Variants in EDEM3 observed in about 807,000 individuals in gnomAD.
The protein encoded by EDEM3 is ER degradation-enhancing alpha-mannosidase-like protein 3.
In EDEM3, 60 loss-of-function variants were observed where a neutral mutation model predicts 110.2. That is an observed-to-expected ratio of 0.54 (90% CI 0.44 to 0.67). EDEM3 has a LOEUF of 0.67. Among genes scored for constraint, EDEM3 ranks in the 30% least tolerant of loss-of-function variants. The pLI, the probability that EDEM3 is intolerant of heterozygous loss-of-function variation, is 0.00. For synonymous variants in EDEM3, 352 were observed against 382.9 expected, an observed-to-expected ratio of 0.92 and a Z score of 0.94; for missense variants, 996 against 1,121.0, an observed-to-expected ratio of 0.89 and a Z score of 1.59.
chr1:184,716,709 C>A (rs1272584899), intron 13 of EDEM3, among the ~76,000 whole-genome samples, 179 bp downstream of exon 13: 2 of 152,044 alleles, frequency 1.3e-5, no homozygotes, highest in Non-Finnish European at 2.9e-5. Context: ...GATAAAAATA[C>A]AAACTTTTCA....
intron 19 of EDEM3, among the ~76,000 whole-genome samples, chr1:184,702,039 T>G (rs1649656600): frequency 6.6e-6 from 1 of 152,044 alleles, no homozygotes; most frequent in Non-Finnish European, 1.5e-5. Flanking sequence ...GAACTTTAGC[T>G]CTCTCTTCAG....
intron 8 of EDEM3, among the ~76,000 whole-genome samples, chr1:184,722,245 T>C (rs938680200): frequency 3.3e-5 from 5 of 152,022 alleles, no homozygotes; most frequent in Admixed American, 2.0e-4. Flanking sequence ...ATTTTTCTAG[T>C]GGTACATTTA....
At chr1:184,710,329 T>C in intron 16 of EDEM3, 65 bp downstream of exon 16, 2 of 1,531,968 alleles carry the variant, frequency 1.3e-6, no homozygotes. Flanking sequence ...ATTATCTTAT[T>C]AAAGCTAATG....
intron 10 of EDEM3, 87 bp downstream of exon 10, chr1:184,719,356 T>C (rs1650744928): frequency 6.5e-7 from 1 of 1,538,906 alleles, no homozygotes; most frequent in Non-Finnish European, 8.8e-7. Context: ...TGCAACTATG[T>C]TTTGTAGTTC....
In EDEM3 at chr1:184,711,737, T is replaced by A; in HGVS notation, c.1677A>T (p.Arg559Ser). The part of the protein sequence containing the change: ...LKNVVDKSCP[R>S]GIIRVEESFR... Reference sequence around the variant, plus strand: ...ATACATCTTACACTCTGATGATGCCTCTAGGACAGCTCTTATCCACCACAT... The same window carrying A: ...ATACATCTTACACTCTGATGATGCCACTAGGACAGCTCTTATCCACCACAT... The change falls in exon 15 of 20, where the codon AGA (arginine) becomes AGT (serine). Residue 559 changes from arginine (R) to serine (S), a missense_variant. Physicochemically the swap from Arg to Ser is moderately radical, Grantham distance 110. Coordinates refer to ENST00000318130, the MANE Select transcript of EDEM3 (RefSeq NM_025191.4). The A allele has an allele frequency of 2.5e-6, 4 of 1,611,326 alleles. No individual in the cohort carries two copies. Among genetic ancestry groups the A allele is most frequent in the Non-Finnish European group, 2.5e-6 (3 of 1,178,844 alleles).
At chr1:184,712,712 A>C (rs1417237472) in intron 13 of EDEM3, 114 bp from the exon 14 acceptor site, 1 of 665,898 alleles carries the variant, frequency 1.5e-6, no homozygotes, top group East Asian at 3.0e-5. Flanking sequence ...TTAGATGTTC[A>C]AAGAACTATA....
At chr1:184,710,247 AC>A (rs1650152333) in intron 16 of EDEM3, 146 bp downstream of exon 16, 1 of 911,244 alleles carries the variant, frequency 1.1e-6, no homozygotes, top group Admixed American at 3.3e-5. Flanking sequence ...TTTCCAAGAT[AC>A]TTCCAAGTCC....
At chr1:184,736,619 A>T (rs1188209842) in intron 4 of EDEM3, among the ~76,000 whole-genome samples, 1 of 152,268 alleles carries the variant, frequency 6.6e-6, no homozygotes, top group Admixed American at 6.5e-5. Flanking sequence ...CTGCTGGGAA[A>T]AATTAATTTT....
chr1:184,719,411 C>T (rs1206554753), intron 10 of EDEM3, 32 bp downstream of exon 10: 12 of 1,599,836 alleles, frequency 7.5e-6, no homozygotes, highest in Admixed American at 1.8e-5. Flanking sequence ...CATCATCTTA[C>T]ATTCATATTA....
rs1413830674 is a variant in EDEM3, at chr1:184,717,546, TAAG to T, written c.1236_1238del (p.Phe412del). 2 of 1,605,686 alleles carry T rather than the reference TAAG, an allele frequency of 1.2e-6. No homozygotes were observed. The highest frequency in any genetic ancestry group is 2.3e-5 in the East Asian group (1 of 44,284). On this transcript the variant is annotated inframe_deletion, in exon 12 of 20. Coordinates refer to ENST00000318130, the MANE Select transcript of EDEM3 (RefSeq NM_025191.4). ...ATGGGGTATATTTTCTTACTTTATATAAGAAGTAGGTACTTTCTGCAAATTCTG... is the reference window on the plus strand; with the variant it reads ...ATGGGGTATATTTTCTTACTTTATATAAGTAGGTACTTTCTGCAAATTCTG...
chr1:184,702,769 A>G (rs768552009), intron 19 of EDEM3, 42 bp downstream of exon 19: 1 of 1,412,346 alleles, frequency 7.1e-7, no homozygotes, highest in Admixed American at 2.5e-5. Flanking sequence ...AGCAAAATTA[A>G]TATTACGCTG....
chr1:184,753,574 C>T (rs942759796), intron 1 of EDEM3, among the ~76,000 whole-genome samples: 4 of 152,102 alleles, frequency 2.6e-5, no homozygotes, highest in Non-Finnish European at 5.9e-5. Context: ...TAAGTTACAG[C>T]AATTTACACT....
chr1:184,697,160 G>T (rs927425762), intron 19 of EDEM3, among the ~76,000 whole-genome samples: 1 of 151,368 alleles, frequency 6.6e-6, no homozygotes, highest in African/African-American at 2.4e-5. Flanking sequence ...ACAAAACATA[G>T]AATTAAATTT....
At position 184,754,744 on chromosome 1, in the gene EDEM3, G is replaced by C; in HGVS notation, c.-98C>G. The C allele has an allele frequency of 5.6e-6, 8 of 1,416,908 alleles. No homozygotes were observed. The highest frequency in any genetic ancestry group is 7.3e-6 in the Non-Finnish European group (8 of 1,092,162). The allele number at this position is 1,416,908 out of a possible 1,614,324, so 87.8% of individuals were successfully genotyped here. A position where few individuals can be genotyped will look rare whatever the true frequency, so the allele number is the denominator to read the frequency against. On this transcript the variant is annotated 5_prime_UTR_variant, in exon 1 of 20. Coordinates refer to ENST00000318130, the MANE Select transcript of EDEM3 (RefSeq NM_025191.4). ...GGGGGCTGCTAGCCGTGCCGAGACGGGGCGGGATGCGGAGTAACACGGACG... is the reference window on the plus strand; with the variant it reads ...GGGGGCTGCTAGCCGTGCCGAGACGCGGCGGGATGCGGAGTAACACGGACG...
chr1:184,748,407 G>A (rs1301212182), intron 2 of EDEM3, among the ~76,000 whole-genome samples: 1 of 150,478 alleles, frequency 6.6e-6, no homozygotes, highest in Non-Finnish European at 1.5e-5. Flanking sequence ...AGATAGTGCC[G>A]CTATACTCCA....
intron 7 of EDEM3, 141 bp downstream of exon 7, chr1:184,726,114 A>C (rs117877339): frequency 0.014 from 16,756 of 1,187,374 alleles, 211 homozygotes; most frequent in East Asian, 0.05. Context: ...ACAATTAAAA[A>C]CCATGTAAAG....
intron 19 of EDEM3, among the ~76,000 whole-genome samples, chr1:184,700,189 A>C (rs903784748): frequency 2.0e-5 from 3 of 151,970 alleles, no homozygotes; most frequent in African/African-American, 7.2e-5. Flanking sequence ...TTCTGCTAGC[A>C]GAACAGTTTC....
In EDEM3 at chr1:184,698,380, A is replaced by G. The variant is rs1649438446; in HGVS notation, c.2390-3908T>C. Reference sequence around the variant, plus strand: ...AAACAAAAACCTGGAAATAATTTGGACGCCTAATAGTGACATGGTTAAATA... The same window carrying G: ...AAACAAAAACCTGGAAATAATTTGGGCGCCTAATAGTGACATGGTTAAATA... On this transcript the variant is annotated intron_variant, in intron 19 of 19. Coordinates refer to ENST00000318130, the MANE Select transcript of EDEM3 (RefSeq NM_025191.4). Among the ~76,000 whole-genome samples, 3 of 151,858 alleles carry G rather than the reference A, an allele frequency of 2.0e-5. No homozygotes were observed. In the South Asian group the frequency reaches 6.2e-4, roughly 31 times the overall value.
chr1:184,716,752 T>C, intron 13 of EDEM3, 136 bp downstream of exon 13: 3 of 1,292,122 alleles, frequency 2.3e-6, no homozygotes, highest in Non-Finnish European at 1.0e-6. Flanking sequence ...CAACAGAGTT[T>C]AAAAAAGTAA....
Sources: gnomAD v4.1 joint callset for allele counts (sites outside exome capture counted in the v4.1 genomes callset) on GRCh38, gnomAD v4.1.1 for gene constraint, MANE v1.5 for transcripts, NCBI Gene and HGNC (gene_info 2026-07-23, HGNC 2026-07-21) for gene names.